The following ZNF668 variants were observed in gnomAD, a reference collection of about 807,000 sequenced individuals.
ZNF668 encodes zinc finger protein 668.
A neutral mutation model predicts 40.3 loss-of-function variants in ZNF668; 10 were observed. The observed-to-expected ratio is 0.25, with a 90% CI of 0.15 to 0.42. ZNF668 has a LOEUF of 0.42. Among genes scored for constraint, ZNF668 ranks in the 10% least tolerant of loss-of-function variants. The pLI is 1.00. For missense variants in ZNF668, 749 were observed against 904.6 expected (o/e 0.83, Z 2.21); for synonymous variants, 428 against 384.6 (o/e 1.11, Z -1.32).
Position 31,062,018 on chromosome 16 carries a change from CT to C in ZNF668, c.909del (p.Val305Ter). On this transcript the variant is annotated frameshift_variant, in exon 3 of 3. Coordinates refer to ENST00000300849, the MANE Select transcript of ZNF668 (RefSeq NM_024706.5). LOFTEE classifies it high-confidence loss of function. ...SSFRRHQRAHEGVKPYHCEKC... is the reference protein window; with the variant it reads ...SSFRRHQRAHXGVKPYHCEKC... ...TTCTCGCAGTGGTATGGCTTCACCC[CT>C]TCATGGGCGCGCTGGTGGCGACGGA... 6.2e-7 allele frequency: 1 copy of C among 1,613,738 alleles called. No individual in the cohort carries two copies. The highest frequency in any genetic ancestry group is 8.5e-7 in the Non-Finnish European group (1 of 1,179,848).
At chr16:31,066,925 C>T (rs1357247297) in intron 1 of ZNF668, among the ~76,000 whole-genome samples, 2 of 150,820 alleles carry the variant, frequency 1.3e-5, no homozygotes, top group African/African-American at 2.4e-5. Flanking sequence ...TTCAGTGGCT[C>T]ACACTAGCAC....
Position 31,070,404 on chromosome 16 carries a change from C to T in ZNF668, c.-23+3255G>A, listed in dbSNP as rs1285031919. Among the ~76,000 whole-genome samples, 5 of 151,654 alleles carry T rather than the reference C, an allele frequency of 3.3e-5. No individual in the cohort carries two copies. The East Asian group carries it at 7.8e-4, about 24-fold the overall frequency. On this transcript the variant is annotated intron_variant, in intron 1 of 2. Transcript: ENST00000300849. ...TGTATTTTTAGTAGAGAGAGGATTT[C>T]ACCATGTTGGCCAGGCTGGTCTTGA...
At chr16:31,073,510 G>A (rs2057035437) in intron 1 of ZNF668, 149 bp downstream of exon 1, 1 of 152,144 alleles carries the variant, frequency 6.6e-6, no homozygotes, top group African/African-American at 2.4e-5. Flanking sequence ...AATGCGCCCG[G>A]GGCCGCTCAC....
Position 31,064,159 on chromosome 16 carries a change from T to G in ZNF668, c.301A>C (p.Ser101Arg), listed in dbSNP as rs774189792. 17 of 1,609,442 alleles carry G rather than the reference T, an allele frequency of 1.1e-5. No individual in the cohort carries two copies. The highest frequency in any genetic ancestry group is 1.4e-5 in the Non-Finnish European group (16 of 1,179,390). The change falls in exon 2 of 3, where the codon AGC becomes CGC. Residue 101 changes from serine (S) to arginine (R), a missense_variant. Around this residue, in one of 4 missense-constraint regions of ZNF668, gnomAD observed 159 missense variants for 139.8 expected, o/e 1.14. Transcript: ENST00000300849. Reference sequence around the variant, plus strand: ...TCCCCCGTGTGGCTGCGCCCGTGGCTGCGCAGCTCGGGTGCCGTCTTGTAG... The same window carrying G: ...TCCCCCGTGTGGCTGCGCCCGTGGCGGCGCAGCTCGGGTGCCGTCTTGTAG... ...KAYKTAPELRSHGRSHTGEKP... is the reference protein window; with the variant it reads ...KAYKTAPELRRHGRSHTGEKP...
Position 31,064,012 on chromosome 16 carries a change from C to T in ZNF668, c.448G>A (p.Gly150Ser). The change falls in exon 2 of 3, where the codon GGC (glycine) becomes AGC (serine). Residue 150 changes from glycine to serine, a missense_variant. Gly to Ser is a moderately conservative substitution (Grantham distance 56). Transcript: ENST00000300849. ...FRCAHCPKAY[G>S]ALSKLKIHQR... is the part of the protein sequence containing the mutation. ...TGGATCTTGAGCTTGGAGAGCGCGC[C>T]ATAGGCCTTCGGGCAGTGCGCACAG... is the stretch of plus-strand genomic sequence containing the variant. 1 of 1,608,208 alleles carries T rather than the reference C, an allele frequency of 6.2e-7. No homozygotes were observed. Among genetic ancestry groups the T allele is most frequent in the Non-Finnish European group, 8.5e-7 (1 of 1,176,150 alleles).
rs1371832664 is a variant in ZNF668 at position 31,060,971 on chromosome 16, A to G, written c.*97T>C. 2 of 1,340,936 alleles carry G rather than the reference A, an allele frequency of 1.5e-6. No individual in the cohort carries two copies. The allele number at this position is 1,340,936 out of a possible 1,614,324, so 83.1% of individuals were successfully genotyped here. A position where few individuals can be genotyped will look rare whatever the true frequency, so the allele number is the denominator to read the frequency against. On this transcript the variant is annotated 3_prime_UTR_variant, in exon 3 of 3. Transcript: ENST00000300849. ...GGGAGCTAGTTGCTGAGGGGTAGGG[A>G]TCTGGAGTCTAAAGAGCAGAGCCAG...
chr16:31,066,012 G>A (rs1361190196), intron 1 of ZNF668: 1 of 985,088 alleles, frequency 1.0e-6, no homozygotes, highest in African/African-American at 1.7e-5. Flanking sequence ...CCAGGAAAGG[G>A]CGGGAGAAGC....
chr16:31,066,425 C>T, intron 1 of ZNF668: 1 of 969,468 alleles, frequency 1.0e-6, no homozygotes, highest in Non-Finnish European at 1.2e-6. Flanking sequence ...GGTGTGGTGG[C>T]ATGCGCCTTA....
Position 31,061,503 on chromosome 16 carries a change from C to T in ZNF668, c.1425G>A (p.Gln475=). Residue 475 remains glutamine, a synonymous_variant, in exon 3 of 3, where the codon CAG becomes CAA. Transcript: ENST00000300849. This position sits in a 1 kb window ranked among gnomAD's most constrained non-coding sequence, Gnocchi z 7.7. ...CATGCTCCACCGTCATGCCCACCACCTGCCACTGTGTGGCCATCACACCAC... is the reference window on the plus strand; with the variant it reads ...CATGCTCCACCGTCATGCCCACCACTTGCCACTGTGTGGCCATCACACCAC... ...ESGGVMATQW[Q]VVGMTVEHVE... 1 of 1,613,022 alleles carries T rather than the reference C, an allele frequency of 6.2e-7. No homozygotes were observed. The highest frequency in any genetic ancestry group is 2.2e-5 in the East Asian group (1 of 44,870).
intron 1 of ZNF668, chr16:31,065,960 C>T (rs186332888): frequency 6.0e-5 from 57 of 950,902 alleles, no homozygotes; most frequent in East Asian, 5.8e-4. Flanking sequence ...AGCTGAGCCA[C>T]GAGGGTGCTA....
At position 31,062,145 on chromosome 16, in the gene ZNF668, G is replaced by A; in HGVS notation, c.783C>T (p.Phe261=). 1 of 1,613,908 alleles carries A rather than the reference G, an allele frequency of 6.2e-7. No individual in the cohort carries two copies. Among genetic ancestry groups the A allele is most frequent in the Non-Finnish European group, 8.5e-7 (1 of 1,179,898 alleles). The change falls in exon 3 of 3, where the codon TTC becomes TTT. Residue 261 remains phenylalanine (F), a synonymous_variant. Coordinates refer to ENST00000300849, the MANE Select transcript of ZNF668 (RefSeq NM_024706.5). ...GGCTCTGGTAGGAACTGAGCTGCGT[G>A]AAGCCCTTGCCGCAGGCCGGGCAGC... ...PYRCPACGKG[F]TQLSSYQSHE... is the part of the protein sequence containing the mutation.
intron 1 of ZNF668, chr16:31,066,161 C>T (rs1567400911): frequency 3.0e-6 from 3 of 985,452 alleles, no homozygotes; most frequent in Non-Finnish European, 3.6e-6. Flanking sequence ...CCCATGCAGC[C>T]GGTCTTCTCC....
chr16:31,063,684 C>T, intron 2 of ZNF668, 129 bp downstream of exon 2: 1 of 1,090,220 alleles, frequency 9.2e-7, no homozygotes, highest in South Asian at 1.8e-5. Flanking sequence ...CTAGCCCCTC[C>T]CCTTGGATCT....
At chr16:31,064,679 A>C (rs2056968709) in intron 1 of ZNF668, 198 bp from the exon 2 acceptor site, 2 of 1,535,990 alleles carry the variant, frequency 1.3e-6, no homozygotes, top group Admixed American at 3.9e-5. Flanking sequence ...AAGTGTCCGC[A>C]GAGCCACTAA....
chr16:31,067,287 GC>G (rs1455704627), intron 1 of ZNF668, among the ~76,000 whole-genome samples: 5 of 152,100 alleles, frequency 3.3e-5, no homozygotes, highest in South Asian at 4.1e-4. Context: ...CAAATACCAG[GC>G]AGTATCCTAA....
chr16:31,061,287 G>C lies in ZNF668; in HGVS notation c.1641C>G (p.Thr547=). Residue 547 remains threonine, a synonymous_variant, in exon 3 of 3, where the codon ACC becomes ACG. Transcript: ENST00000300849. The surrounding 1 kb of genome is among the most constrained non-coding windows in gnomAD (Gnocchi z 7.7). ...SHPELRPFPC[T]QCGKSFSDRA... ...GGTCAGAGAAGCTCTTGCCGCACTG[G>C]GTGCAGGGGAAGGGCCGGAGCTCCG... 6.4e-7 allele frequency: 1 copy of C among 1,563,280 alleles called. No homozygotes were observed. The highest frequency in any genetic ancestry group is 1.2e-5 in the South Asian group (1 of 82,222).
chr16:31,068,602 A>G (rs767848611), intron 1 of ZNF668, among the ~76,000 whole-genome samples: 5 of 149,624 alleles, frequency 3.3e-5, no homozygotes, highest in Non-Finnish European at 7.4e-5. Flanking sequence ...CATTCCAGCC[A>G]ATACTTTTGT....
chr16:31,066,357 T>TC (rs1321949716), intron 1 of ZNF668: 1 of 985,192 alleles, frequency 1.0e-6, no homozygotes, highest in Admixed American at 6.2e-5. Context: ...CCCACAAAAC[T>TC]CCATCTTATT....
At chr16:31,068,240 AT>A (rs869274235) in intron 1 of ZNF668, among the ~76,000 whole-genome samples, 9,925 of 67,188 alleles carry the variant, frequency 0.15, 1,129 homozygotes, top group South Asian at 0.41. Context: ...AAAAAAAAAA[AT>A]ATATATATAT....
Sources: gnomAD v4.1 joint callset for allele counts (sites outside exome capture counted in the v4.1 genomes callset) on GRCh38, gnomAD v4.1.1 for gene constraint, gnomAD v4.1.1 regional missense constraint, Gnocchi (gnomAD v3.1) non-coding constraint, MANE v1.5 for transcripts, NCBI Gene and HGNC (gene_info 2026-07-23, HGNC 2026-07-21) for gene names.